ZKSCAN5: variants seen among roughly 807,000 people sequenced by gnomAD.
ZKSCAN5 encodes the protein zinc finger with KRAB and SCAN domains 5, also known as zinc finger protein with KRAB and SCAN domains 5.
In ZKSCAN5, 28 loss-of-function variants were observed where a neutral mutation model predicts 60.0. That is an observed-to-expected ratio of 0.47 (90% CI 0.35 to 0.64). ZKSCAN5 has a LOEUF of 0.64. Among genes scored for constraint, ZKSCAN5 ranks in the 30% least tolerant of loss-of-function variants. The pLI is 0.01. For synonymous variants in ZKSCAN5, 361 were observed against 371.2 expected (o/e 0.97, Z 0.31); for missense variants, 881 against 1,034.6 (o/e 0.85, Z 2.04).
rs778464398 is a variant in ZKSCAN5 at position 99,531,587 on chromosome 7, C to G, written c.1858C>G (p.Leu620Val). ...CGKAFRVRSH[L>V]VQHQSVHSGE... ...GAAAGCCTTCAGAGTGAGGTCCCAC[C>G]TTGTTCAGCATCAGAGCGTGCACAG... Residue 620 changes from leucine (L) to valine (V), a missense_variant, in exon 7 of 7, where the codon CTT becomes GTT. This residue lies in a region of ZKSCAN5 where 112 missense variants were observed against 182.4 expected (regional missense o/e 0.61). Transcript: ENST00000326775. The G allele has an allele frequency of 1.9e-5, 30 of 1,614,158 alleles. No homozygotes were observed. The highest frequency in any genetic ancestry group is 2.5e-5 in the Non-Finnish European group (30 of 1,180,024).
intron 2 of ZKSCAN5, among the ~76,000 whole-genome samples, chr7:99,507,571 A>G (rs952676501): frequency 6.7e-6 from 1 of 148,490 alleles, no homozygotes; most frequent in Non-Finnish European, 1.5e-5. Context: ...ATGTGTATAT[A>G]TATGTGTATA....
At chr7:99,509,335 G>A (rs1187136565) in intron 2 of ZKSCAN5, among the ~76,000 whole-genome samples, 1 of 152,156 alleles carries the variant, frequency 6.6e-6, no homozygotes, top group Admixed American at 6.5e-5. Flanking sequence ...TGTTGGCCAG[G>A]ATGTTCTCAA....
intron 5 of ZKSCAN5, among the ~76,000 whole-genome samples, chr7:99,521,242 G>C (rs1801528685): frequency 6.6e-6 from 1 of 152,060 alleles, no homozygotes; most frequent in Non-Finnish European, 1.5e-5. Context: ...CTGTCTCCCA[G>C]GCTGGAGTAC....
chr7:99,508,036 A>G lies in ZKSCAN5; in HGVS notation c.414+1578A>G, dbSNP rs148718348. On this transcript the variant is annotated intron_variant, in intron 2 of 6. Coordinates refer to ENST00000326775, the MANE Select transcript of ZKSCAN5 (RefSeq NM_145102.4). ...ATGTGTAGGCCGGGCACGGTAGCTC[A>G]TGCCTGTAATCCCAGCACTTGGGGA... Among the ~76,000 whole-genome samples, 12 of 152,318 alleles carry G rather than the reference A, an allele frequency of 7.9e-5. No homozygotes were observed. In the East Asian group the frequency reaches 2.3e-3, roughly 29 times the overall value.
In ZKSCAN5 at chr7:99,509,254, G is replaced by C. The variant is rs181796918; in HGVS notation, c.414+2796G>C. Among the ~76,000 whole-genome samples the C allele has an allele frequency of 6.4e-4, 98 of 152,288 alleles. No homozygotes were observed. The East Asian group carries it at 0.018, about 28-fold the overall frequency. On this transcript the variant is annotated intron_variant, in intron 2 of 6. Coordinates refer to ENST00000326775, the MANE Select transcript of ZKSCAN5 (RefSeq NM_145102.4). The stretch of plus-strand genomic sequence containing the variant: ...TACTCCTGGCTCTGCCTTCCAAAGT[G>C]GTGGGATTACAGGCGTAAGCCACAT...
chr7:99,512,862 A>G (rs1162977742), intron 3 of ZKSCAN5, among the ~76,000 whole-genome samples: 2 of 151,500 alleles, frequency 1.3e-5, no homozygotes, highest in African/African-American at 4.9e-5. Context: ...GTTGTAGGGT[A>G]CATGTGCACA....
At position 99,525,958 on chromosome 7, in the gene ZKSCAN5, A is replaced by G. The variant is rs539263189; in HGVS notation, c.918A>G (p.Val306=). 6.8e-6 allele frequency: 11 copies of G among 1,614,102 alleles called. No individual in the cohort carries two copies. In the South Asian group the frequency reaches 9.9e-5, roughly 14 times the overall value. ...FAEVSDLKGM[V]QRWQVNPTVG... The stretch of plus-strand genomic sequence containing the variant: ...AAGTCAGTGACCTTAAAGGCATGGT[A>G]CAAAGGTGGCAGGTCAACCCCACTG... The change falls in exon 6 of 7, where the codon GTA becomes GTG. Residue 306 remains valine, a synonymous_variant. Transcript: ENST00000326775.
At position 99,532,215 on chromosome 7, in the gene ZKSCAN5, TA is replaced by T. The variant is rs779864581; in HGVS notation, c.2489del (p.Asn830IlefsTer3). 1.2e-6 allele frequency: 2 copies of T among 1,604,728 alleles called. No individual in the cohort carries two copies. The highest frequency in any genetic ancestry group is 2.7e-5 in the African/African-American group (2 of 74,558). On this transcript the variant is annotated frameshift_variant, in exon 7 of 7. Transcript: ENST00000326775. LOFTEE classifies it low-confidence loss of function (END_TRUNC). ...AGAAGCCATGAGAGGACAGATCCCA[TA>T]AATACCTTAAGTGTAGAGGGGTCTC... Reference protein sequence around the residue: ...HLRSHERTDPINTLSVEGSLL With the variant: ...HLRSHERTDPXNTLSVEGSLL
At chr7:99,523,967 C>T (rs568354949) in intron 5 of ZKSCAN5, among the ~76,000 whole-genome samples, 1 of 151,968 alleles carries the variant, frequency 6.6e-6, no homozygotes, top group East Asian at 1.9e-4. Context: ...GTGCTGGACT[C>T]ATAGCACTCA....
intron 5 of ZKSCAN5, among the ~76,000 whole-genome samples, chr7:99,525,360 T>C (rs959188148): frequency 1.4e-5 from 2 of 147,530 alleles, no homozygotes; most frequent in African/African-American, 5.0e-5. Context: ...TAGTCCTAGC[T>C]ACTTGGGAGG....
chr7:99,513,928 C>T (rs1389511865), intron 3 of ZKSCAN5, among the ~76,000 whole-genome samples: 8 of 151,936 alleles, frequency 5.3e-5, no homozygotes, highest in Admixed American at 5.2e-4. Context: ...GCCTGTAATC[C>T]CAGCTACTCA....
In ZKSCAN5 at chr7:99,506,377, G is replaced by A; in HGVS notation, c.333G>A (p.Arg111=). 1 of 1,614,178 alleles carries A rather than the reference G, an allele frequency of 6.2e-7. No homozygotes were observed. Among genetic ancestry groups the A allele is most frequent in the Non-Finnish European group, 8.5e-7 (1 of 1,180,038 alleles). ...CTGAAGAGTTCCAGCCCTGGGTGAG[G>A]GAACATCACCCTGAAAGTGGAGAAG... ...ILPEEFQPWV[R]EHHPESGEEA... is the part of the protein sequence containing the mutation. Residue 111 remains arginine, a synonymous_variant, in exon 2 of 7, where the codon AGG becomes AGA. Transcript: ENST00000326775.
rs778010332 is a variant in ZKSCAN5, at chr7:99,532,060, A to G, written c.2331A>G (p.Glu777=). ...YSSTKSHQCH[E]CGRGFTLKSH... ...GCACAAAATCCCATCAATGTCATGA[A>G]TGTGGCAGAGGCTTCACTCTGAAGT... Residue 777 remains glutamate (E), a synonymous_variant, in exon 7 of 7, where the codon GAA becomes GAG. Transcript: ENST00000326775. The G allele has an allele frequency of 1.2e-6, 2 of 1,614,250 alleles. No homozygotes were observed. The highest frequency in any genetic ancestry group is 8.5e-7 in the Non-Finnish European group (1 of 1,180,046).
At chr7:99,515,332 G>A (rs1333170011) in intron 3 of ZKSCAN5, among the ~76,000 whole-genome samples, 2 of 151,920 alleles carry the variant, frequency 1.3e-5, no homozygotes, top group Non-Finnish European at 2.9e-5. Flanking sequence ...GCTTGAACAC[G>A]GGAGGCAGAG....
chr7:99,526,480 T>C (rs981750806), intron 6 of ZKSCAN5, 62 bp downstream of exon 6: 3 of 1,552,870 alleles, frequency 1.9e-6, no homozygotes, highest in Non-Finnish European at 2.6e-6. Flanking sequence ...GGTGTTTTAT[T>C]AGTACGGTAC....
At chr7:99,515,449 C>T (rs886352283) in intron 3 of ZKSCAN5, among the ~76,000 whole-genome samples, 5 of 151,880 alleles carry the variant, frequency 3.3e-5, no homozygotes, top group African/African-American at 1.2e-4. Context: ...ATGGAAACCA[C>T]TAGGATTGTG....
chr7:99,531,415 A>G lies in ZKSCAN5; in HGVS notation c.1686A>G (p.Ala562=). 1.2e-6 allele frequency: 2 copies of G among 1,614,224 alleles called. No homozygotes were observed. Among genetic ancestry groups the G allele is most frequent in the Admixed American group, 1.7e-5 (1 of 60,024 alleles). ...GTGGGAAAAGCTTCATTCAGAGTGC[A>G]CATCTTATTCAACATCAAAGAATAC... ...NECGKSFIQS[A]HLIQHQRIHT... is the part of the protein sequence containing the mutation. Residue 562 remains alanine (A), a synonymous_variant, in exon 7 of 7, where the codon GCA becomes GCG. Coordinates refer to ENST00000326775, the MANE Select transcript of ZKSCAN5 (RefSeq NM_145102.4).
At chr7:99,509,621 C>T (rs889156858) in intron 2 of ZKSCAN5, among the ~76,000 whole-genome samples, 10 of 152,048 alleles carry the variant, frequency 6.6e-5, no homozygotes, top group African/African-American at 2.4e-4. Flanking sequence ...CACACGCCAC[C>T]ATGCCCGGCT....
intron 6 of ZKSCAN5, among the ~76,000 whole-genome samples, chr7:99,530,810 A>C (rs1310893900): frequency 6.6e-6 from 1 of 152,218 alleles, no homozygotes; most frequent in Non-Finnish European, 1.5e-5. Flanking sequence ...TAATCCCAGC[A>C]CTTTGGGAGG....
Sources: allele counts gnomAD v4.1 joint callset (sites outside exome capture counted in the v4.1 genomes callset), GRCh38; gene constraint gnomAD v4.1.1; regional missense constraint gnomAD v4.1.1; transcripts MANE v1.5; gene names NCBI Gene and HGNC (gene_info 2026-07-23, HGNC 2026-07-21).